ZMAT4: variants seen among roughly 807,000 people sequenced by gnomAD.
ZMAT4 encodes the protein zinc finger matrin-type 4.
In ZMAT4, 17 loss-of-function variants were observed where a neutral mutation model predicts 28.7. The ratio of observed to expected loss-of-function variants is 0.59; its 90% CI spans 0.41 to 0.89. The LOEUF (loss-of-function observed/expected upper bound fraction) is 0.89. ZMAT4 is among the 40% of genes least tolerant of loss of function. The pLI is 0.00. For missense variants in ZMAT4, 240 were observed against 283.8 expected (o/e 0.85, Z 1.11); for synonymous variants, 117 against 109.2 (o/e 1.07, Z -0.44).
intron 5 of ZMAT4, among the ~76,000 whole-genome samples, chr8:40,584,480 G>A (rs1212679522): frequency 6.6e-6 from 1 of 151,954 alleles, no homozygotes; most frequent in Non-Finnish European, 1.5e-5. Flanking sequence ...ATTAATTAAG[G>A]AATACAGAAT....
intron 2 of ZMAT4, among the ~76,000 whole-genome samples, chr8:40,813,621 G>A (rs976926262): frequency 1.3e-5 from 2 of 152,224 alleles, no homozygotes; most frequent in Non-Finnish European, 2.9e-5. Flanking sequence ...TCGCCATAAG[G>A]TTATACACGG....
At chr8:40,610,937 ATTTT>A (rs56980207) in intron 5 of ZMAT4, among the ~76,000 whole-genome samples, 47 of 146,530 alleles carry the variant, frequency 3.2e-4, no homozygotes, top group East Asian at 1.4e-3. Context: ...GCCCTTTTGC[ATTTT>A]TTTTTTTTTG....
intron 5 of ZMAT4, among the ~76,000 whole-genome samples, chr8:40,582,014 G>T (rs1490282955): frequency 6.6e-6 from 1 of 152,146 alleles, no homozygotes; most frequent in Non-Finnish European, 1.5e-5. Context: ...GACCCATAAT[G>T]AAACATATTC....
chr8:40,536,528 C>T (rs182501904), intron 6 of ZMAT4, among the ~76,000 whole-genome samples: 32 of 152,296 alleles, frequency 2.1e-4, no homozygotes, highest in Non-Finnish European at 3.8e-4. Context: ...GTCTTTTACT[C>T]ATTATTCCTT....
intron 6 of ZMAT4, among the ~76,000 whole-genome samples, chr8:40,548,787 C>A (rs1286290197): frequency 2.0e-5 from 3 of 152,120 alleles, no homozygotes; most frequent in South Asian, 2.1e-4. Flanking sequence ...TGATAGAATT[C>A]TTTGTCCATT....
At chr8:40,892,312 A>T (rs1376941872) in intron 1 of ZMAT4, among the ~76,000 whole-genome samples, 1 of 152,040 alleles carries the variant, frequency 6.6e-6, no homozygotes, top group African/African-American at 2.4e-5. Flanking sequence ...TGGTCTACCC[A>T]TCCCCTCCTC....
At chr8:40,862,175 G>A (rs535402863) in intron 1 of ZMAT4, among the ~76,000 whole-genome samples, 70 of 152,136 alleles carry the variant, frequency 4.6e-4, no homozygotes, top group Non-Finnish European at 6.0e-4. Context: ...CAACCCAAAT[G>A]TCCATCAATG....
At chr8:40,567,622 C>T (rs770375898) in intron 6 of ZMAT4, among the ~76,000 whole-genome samples, 2 of 151,492 alleles carry the variant, frequency 1.3e-5, no homozygotes, top group African/African-American at 4.8e-5. Flanking sequence ...TCACTTGAAC[C>T]CCCCTGGGAG....
chr8:40,747,304 CA>C (rs1303176654), intron 3 of ZMAT4, among the ~76,000 whole-genome samples: 1 of 152,044 alleles, frequency 6.6e-6, no homozygotes, highest in East Asian at 1.9e-4. Context: ...GGAAATAATG[CA>C]GGGAAGTTAC....
chr8:40,603,798 T>G (rs925620418), intron 5 of ZMAT4, among the ~76,000 whole-genome samples: 3 of 151,914 alleles, frequency 2.0e-5, no homozygotes, highest in Admixed American at 6.6e-5. Context: ...CCAGCTAATT[T>G]TTTTTGTATT....
At position 40,861,555 on chromosome 8, in the gene ZMAT4, A is replaced by G. The variant is rs147248749; in HGVS notation, c.-4-35875T>C. On this transcript the variant is annotated intron_variant, in intron 1 of 6. Coordinates refer to ENST00000297737, the MANE Select transcript of ZMAT4 (RefSeq NM_024645.3). The stretch of plus-strand genomic sequence containing the variant: ...TAAAACACCAAAAGCAATGGCAACA[A>G]AAGCCAAAATTGACAAATGGCATCC... Among the ~76,000 whole-genome samples the G allele has an allele frequency of 2.1e-3, 317 of 152,380 alleles. 1 individual carries two copies. Among genetic ancestry groups the G allele is most frequent in the African/African-American group, 6.7e-3 (279 of 41,590 alleles).
chr8:40,630,975 G>T (rs1806554224), intron 5 of ZMAT4, among the ~76,000 whole-genome samples: 1 of 66,726 alleles, frequency 1.5e-5, no homozygotes, highest in Non-Finnish European at 4.4e-5. Flanking sequence ...AATTAGAAAT[G>T]CACATTTTTT....
chr8:40,863,467 C>T (rs939497603), intron 1 of ZMAT4, among the ~76,000 whole-genome samples: 4 of 152,162 alleles, frequency 2.6e-5, no homozygotes, highest in African/African-American at 9.7e-5. Context: ...AAGAACTACC[C>T]TCTGGCACGT....
At chr8:40,653,209 A>G (rs1474363667) in intron 5 of ZMAT4, among the ~76,000 whole-genome samples, 1 of 152,156 alleles carries the variant, frequency 6.6e-6, no homozygotes, top group African/African-American at 2.4e-5. Flanking sequence ...GAGATAAATG[A>G]AAATGAAAAC....
chr8:40,697,800 C>T (rs1449263199), intron 3 of ZMAT4, among the ~76,000 whole-genome samples: 3 of 147,834 alleles, frequency 2.0e-5, no homozygotes, highest in South Asian at 4.3e-4. Context: ...CTTTGACATA[C>T]AGTTAGTAGC....
In ZMAT4 at chr8:40,748,936, G is replaced by A. The variant is rs543019539; in HGVS notation, c.192+18705C>T. ...ATGCATTGTGGGAGGGACCCAGTGG[G>A]AGATAATAATTATGGAGGCTGTTTC... is the stretch of plus-strand genomic sequence containing the variant. On this transcript the variant is annotated intron_variant, in intron 3 of 6. Transcript: ENST00000297737. Among the ~76,000 whole-genome samples the A allele has an allele frequency of 1.2e-4, 18 of 152,242 alleles. No homozygotes were observed. The South Asian group carries it at 3.5e-3, about 30-fold the overall frequency.
chr8:40,793,056 A>G (rs571369056), intron 2 of ZMAT4, among the ~76,000 whole-genome samples: 1 of 152,074 alleles, frequency 6.6e-6, no homozygotes, highest in Non-Finnish European at 1.5e-5. Context: ...CTCATCAAAG[A>G]TATAACACAA....
At chr8:40,712,229 G>A (rs1406635042) in intron 3 of ZMAT4, among the ~76,000 whole-genome samples, 1 of 152,198 alleles carries the variant, frequency 6.6e-6, no homozygotes. Context: ...AGAATTAAAT[G>A]AGTTTGTATG....
At chr8:40,657,522 A>G (rs1181567732) in intron 5 of ZMAT4, among the ~76,000 whole-genome samples, 1 of 152,092 alleles carries the variant, frequency 6.6e-6, no homozygotes, top group Non-Finnish European at 1.5e-5. Flanking sequence ...TTAATGAGAA[A>G]TCAGTTATCA....
Sources: gnomAD v4.1 joint callset for allele counts (sites outside exome capture counted in the v4.1 genomes callset) on GRCh38, gnomAD v4.1.1 for gene constraint, MANE v1.5 for transcripts, NCBI Gene and HGNC (gene_info 2026-07-23, HGNC 2026-07-21) for gene names.